CCDC179: variants seen among roughly 807,000 people sequenced by gnomAD.
CCDC179 encodes coiled-coil domain-containing protein 179.
CCDC179 carries 17 observed loss-of-function variants against 12.0 expected under a neutral mutation model. The observed-to-expected ratio is 1.42, with a 90% CI of 0.97 to 2.13. The LOEUF (loss-of-function observed/expected upper bound fraction) is 2.13, where lower values mean the gene tolerates loss of function less well. CCDC179 is among the 30% of genes most tolerant of loss of function. CCDC179 has a pLI of 0.00. For missense variants in CCDC179, 83 were observed against 78.6 expected (o/e 1.06, Z -0.21); for synonymous variants, 27 against 26.4 (o/e 1.02, Z -0.07).
chr11:22,854,043 A>G (rs539312890), intron 3 of CCDC179, among the ~76,000 whole-genome samples: 101 of 151,930 alleles, frequency 6.6e-4, no homozygotes, highest in Admixed American at 1.3e-3. Flanking sequence ...GAATGGAGTA[A>G]AATATTTAAA....
chr11:22,852,338 T>C (rs1174253282), intron 3 of CCDC179, among the ~76,000 whole-genome samples: 7 of 152,104 alleles, frequency 4.6e-5, no homozygotes, highest in Non-Finnish European at 8.8e-5. Context: ...TCCCCAAAAT[T>C]AAACCACCTT....
At chr11:22,850,966 A>ATTTTTTTTTTTTT (rs1858375346) in intron 3 of CCDC179, among the ~76,000 whole-genome samples, 1 of 6,712 alleles carries the variant, frequency 1.5e-4, no homozygotes, top group Non-Finnish European at 5.8e-4. Flanking sequence ...ATATATATAT[A>ATTTTTTTTTTTTT]TATATATATA....
At chr11:22,856,015 A>T (rs1461919941) in intron 3 of CCDC179, among the ~76,000 whole-genome samples, 1 of 151,426 alleles carries the variant, frequency 6.6e-6, no homozygotes, top group African/African-American at 2.4e-5. Context: ...TTATCTATTT[A>T]AAAAATTAAT....
intron 3 of CCDC179, among the ~76,000 whole-genome samples, chr11:22,855,773 T>C (rs1460579427): frequency 6.6e-6 from 1 of 151,426 alleles, no homozygotes; most frequent in East Asian, 1.9e-4. Flanking sequence ...TCTTTGAAAA[T>C]ATTAGTAAAA....
intron 2 of CCDC179, 60 bp downstream of exon 2, chr11:22,859,392 G>T: frequency 8.3e-7 from 1 of 1,201,776 alleles, no homozygotes; most frequent in South Asian, 1.8e-5. Context: ...CTACATAAAG[G>T]AACAAGTTAC....
At chr11:22,847,818 A>G (rs1366663855) in intron 3 of CCDC179, among the ~76,000 whole-genome samples, 1 of 152,152 alleles carries the variant, frequency 6.6e-6, no homozygotes, top group African/African-American at 2.4e-5. Context: ...AGCAGAAAGA[A>G]TTTGTAGAAA....
At chr11:22,853,566 C>T (rs760475899) in intron 3 of CCDC179, among the ~76,000 whole-genome samples, 24 of 150,588 alleles carry the variant, frequency 1.6e-4, no homozygotes, top group Non-Finnish European at 1.8e-4. Flanking sequence ...TCCAAACTAA[C>T]GGTAAGGAGA....
At chr11:22,850,004 T>C (rs1402817082) in intron 3 of CCDC179, among the ~76,000 whole-genome samples, 1 of 152,092 alleles carries the variant, frequency 6.6e-6, no homozygotes, top group African/African-American at 2.4e-5. Flanking sequence ...GGCTCACAGA[T>C]TGGTTCACTC....
chr11:22,851,274 A>G (rs1470180395), intron 3 of CCDC179, among the ~76,000 whole-genome samples: 1 of 145,790 alleles, frequency 6.9e-6, no homozygotes, highest in Non-Finnish European at 1.6e-5. Flanking sequence ...TTCATTATGC[A>G]AAAACAAATG....
At chr11:22,852,836 C>G (rs184479119) in intron 3 of CCDC179, among the ~76,000 whole-genome samples, 70 of 152,312 alleles carry the variant, frequency 4.6e-4, no homozygotes, top group African/African-American at 1.4e-3. Context: ...GATAAATTGG[C>G]TCTATCTGGG....
intron 3 of CCDC179, among the ~76,000 whole-genome samples, chr11:22,856,738 C>T (rs764776880): frequency 1.3e-5 from 2 of 151,562 alleles, no homozygotes; most frequent in Admixed American, 6.6e-5. Flanking sequence ...CGTTCACAGA[C>T]GACCTGACTA....
intron 3 of CCDC179, among the ~76,000 whole-genome samples, chr11:22,853,889 T>C (rs919701766): frequency 3.3e-5 from 5 of 152,114 alleles, no homozygotes; most frequent in East Asian, 1.9e-4. Flanking sequence ...TCTAGACTTA[T>C]GAAATTTAAA....
chr11:22,856,843 G>T (rs1212913887), intron 3 of CCDC179, among the ~76,000 whole-genome samples: 1 of 151,572 alleles, frequency 6.6e-6, no homozygotes, highest in Non-Finnish European at 1.5e-5. Context: ...GAGGATGTAA[G>T]TTTAATACAG....
intron 3 of CCDC179, among the ~76,000 whole-genome samples, chr11:22,847,892 G>T (rs1421718788): frequency 2.6e-5 from 4 of 152,104 alleles, no homozygotes. Flanking sequence ...TGATAGAGAT[G>T]TTAAATAAGG....
At chr11:22,851,119 C>G (rs1302103575) in intron 3 of CCDC179, among the ~76,000 whole-genome samples, 1 of 149,868 alleles carries the variant, frequency 6.7e-6, no homozygotes, top group African/African-American at 2.5e-5. Flanking sequence ...TATTTTAATG[C>G]TTAAAAGAGA....
At chr11:22,859,429 C>G (rs1225216617) in intron 2 of CCDC179, 23 bp downstream of exon 2, 1 of 1,466,360 alleles carries the variant, frequency 6.8e-7, no homozygotes. Flanking sequence ...CAACCAGAAC[C>G]TAGTTCTTTA....
chr11:22,859,424 A>G (rs1858610162), intron 2 of CCDC179, 28 bp downstream of exon 2: 2 of 1,456,872 alleles, frequency 1.4e-6, no homozygotes, highest in Non-Finnish European at 9.1e-7. Context: ...TTAAACAACC[A>G]GAACCTAGTT....
intron 3 of CCDC179, 58 bp downstream of exon 3, chr11:22,857,864 A>T: frequency 1.2e-6 from 1 of 826,954 alleles, no homozygotes; most frequent in Non-Finnish European, 1.8e-6. Flanking sequence ...ATGAATTAAA[A>T]TGATGATATC....
rs533063680 is a variant in CCDC179 at position 22,849,091 on chromosome 11, G to T, written c.196-1570C>A. ...ATAGAAGAAAAACTAGAATACGGTT[G>T]TCACAGTAACTCTTTGTTATTGCTA... On this transcript the variant is annotated intron_variant, in intron 3 of 3. Coordinates refer to ENST00000532798, the MANE Select transcript of CCDC179 (RefSeq NM_001195637.2). 8.5e-5 allele frequency among the ~76,000 whole-genome samples: 13 copies of T among 152,316 alleles called. No homozygotes were observed. The South Asian group carries it at 1.7e-3, about 19-fold the overall frequency.
Sources: allele counts gnomAD v4.1 joint callset (sites outside exome capture counted in the v4.1 genomes callset), GRCh38; gene constraint gnomAD v4.1.1; transcripts MANE v1.5; gene names NCBI Gene and HGNC (gene_info 2026-07-23, HGNC 2026-07-21).